GPHN: variants seen among roughly 807,000 people sequenced by gnomAD.
The protein encoded by GPHN is gephyrin.
GPHN carries 17 observed loss-of-function variants against 95.5 expected under a neutral mutation model. The ratio of observed to expected loss-of-function variants is 0.18; its 90% CI spans 0.12 to 0.27. The LOEUF (loss-of-function observed/expected upper bound fraction) is 0.27. Ranked by LOEUF, GPHN falls within the 10% of genes least tolerant of loss-of-function variation. The pLI is 1.00. For missense variants in GPHN, 660 were observed against 978.1 expected, an observed-to-expected ratio of 0.67 and a Z score of 4.34; for synonymous variants, 320 against 322.5, an observed-to-expected ratio of 0.99 and a Z score of 0.08.
chr14:67,347,464 C>G, the GPHN span: 1 of 1,592,548 alleles, frequency 6.3e-7, no homozygotes. Flanking sequence ...CTGTTAAACA[C>G]AGAAGCATAC....
intron 15 of GPHN, among the ~76,000 whole-genome samples, chr14:67,112,465 G>T (rs1218905482): frequency 1.3e-5 from 2 of 152,116 alleles, no homozygotes; most frequent in African/African-American, 4.8e-5. Flanking sequence ...TTGTAACGAA[G>T]CTACACTTCT....
the GPHN span, among the ~76,000 whole-genome samples, chr14:67,237,111 T>G: frequency 6.6e-6 from 1 of 151,606 alleles, no homozygotes; most frequent in Non-Finnish European, 1.5e-5. Context: ...ATATATTATA[T>G]ATATATATTT....
At chr14:66,894,833 G>T (rs1304769848) in intron 5 of GPHN, among the ~76,000 whole-genome samples, 7 of 152,166 alleles carry the variant, frequency 4.6e-5, no homozygotes, top group East Asian at 1.9e-4. Context: ...AGTTAGAATG[G>T]CGATCATTAA....
At chr14:66,749,359 A>G (rs1018532670) in intron 2 of GPHN, among the ~76,000 whole-genome samples, 2 of 151,960 alleles carry the variant, frequency 1.3e-5, no homozygotes, top group Admixed American at 6.6e-5. Context: ...AGTAAATACC[A>G]TGGATTATGA....
At chr14:67,443,105 C>T in the GPHN span, among the ~76,000 whole-genome samples, 1 of 152,046 alleles carries the variant, frequency 6.6e-6, no homozygotes, top group Non-Finnish European at 1.5e-5. Context: ...CCTGTAGTCC[C>T]AGCTACTTGG....
chr14:67,421,115 G>C, the GPHN span, among the ~76,000 whole-genome samples: 7,176 of 152,156 alleles, frequency 0.047, 768 homozygotes, highest in East Asian at 0.37. Context: ...GGTGCAAAAG[G>C]AAAATGCCAA....
At chr14:67,040,854 T>C (rs2074665531) in intron 10 of GPHN, among the ~76,000 whole-genome samples, 2 of 152,152 alleles carry the variant, frequency 1.3e-5, no homozygotes. Flanking sequence ...CTATTACTGG[T>C]GATATTAACT....
At chr14:67,143,575 C>A (rs1050654815) in intron 18 of GPHN, 126 bp downstream of exon 18, 1 of 750,210 alleles carries the variant, frequency 1.3e-6, no homozygotes, top group Non-Finnish European at 2.4e-6. Flanking sequence ...ATCCATGGGG[C>A]TTCAGAAATT....
At chr14:66,691,690 T>C (rs953754644) in intron 2 of GPHN, among the ~76,000 whole-genome samples, 44 of 152,200 alleles carry the variant, frequency 2.9e-4, no homozygotes, top group African/African-American at 1.1e-3. Context: ...AAAATGTTTA[T>C]TATCCAGTCG....
the GPHN span, among the ~76,000 whole-genome samples, chr14:67,362,692 A>C: frequency 6.6e-6 from 1 of 152,196 alleles, no homozygotes; most frequent in Non-Finnish European, 1.5e-5. Flanking sequence ...TGTGAAAAAG[A>C]TAAAGAGGTG....
At chr14:67,398,179 A>T in the GPHN span, 45 of 173,708 alleles carry the variant, frequency 2.6e-4, no homozygotes, top group Admixed American at 1.5e-3. Flanking sequence ...CTGGTTTTTT[A>T]AAAAAATTAA....
At chr14:66,952,862 T>C (rs1462806401) in intron 8 of GPHN, among the ~76,000 whole-genome samples, 7 of 151,920 alleles carry the variant, frequency 4.6e-5, no homozygotes, top group African/African-American at 1.2e-4. Flanking sequence ...GCCTGACTAA[T>C]TTTTTGTATT....
chr14:67,199,403 T>C, the GPHN span: 2 of 1,613,856 alleles, frequency 1.2e-6, no homozygotes, highest in East Asian at 4.5e-5. Context: ...TGATGAGAAG[T>C]TGCTTTATGA....
the GPHN span, among the ~76,000 whole-genome samples, chr14:67,251,825 C>T: frequency 6.6e-6 from 1 of 152,230 alleles, no homozygotes; most frequent in Non-Finnish European, 1.5e-5. Flanking sequence ...CCTATAATAG[C>T]TTCAGGTTAG....
At chr14:67,066,465 A>T in intron 11 of GPHN, among the ~76,000 whole-genome samples, 1 of 152,126 alleles carries the variant, frequency 6.6e-6, no homozygotes, top group East Asian at 1.9e-4. Context: ...CTGAAATTGA[A>T]TGCTGGCCTG....
At chr14:66,758,767 C>T (rs1167982806) in intron 2 of GPHN, among the ~76,000 whole-genome samples, 1 of 152,112 alleles carries the variant, frequency 6.6e-6, no homozygotes, top group African/African-American at 2.4e-5. Context: ...TATCACCTGG[C>T]AGGATTTGCA....
the GPHN span, chr14:67,619,685 T>C: frequency 2.2e-5 from 7 of 314,612 alleles, no homozygotes; most frequent in Non-Finnish European, 4.1e-5. Flanking sequence ...GACCCGGATA[T>C]TGGCCTTCTG....
chr14:66,718,877 G>T (rs1477767797), intron 2 of GPHN, among the ~76,000 whole-genome samples: 1 of 152,176 alleles, frequency 6.6e-6, no homozygotes, highest in Non-Finnish European at 1.5e-5. Context: ...GGCAGGTCTT[G>T]CTGCAGCTGC....
the GPHN span, among the ~76,000 whole-genome samples, chr14:67,459,507 A>G: frequency 6.6e-6 from 1 of 152,226 alleles, no homozygotes; most frequent in South Asian, 2.1e-4. Flanking sequence ...AGGATAGATT[A>G]GAGACCTATT....
Sources: gnomAD v4.1 joint callset for allele counts (sites outside exome capture counted in the v4.1 genomes callset) on GRCh38, gnomAD v4.1.1 for gene constraint, MANE v1.5 for transcripts, NCBI Gene and HGNC (gene_info 2026-07-23, HGNC 2026-07-21) for gene names.